PLXDC1: variants seen among roughly 807,000 people sequenced by gnomAD.
The protein encoded by PLXDC1 is plexin domain-containing protein 1.
A neutral mutation model predicts 61.3 loss-of-function variants in PLXDC1; 39 were observed. The observed-to-expected ratio is 0.64, with a 90% CI of 0.49 to 0.83. The LOEUF (loss-of-function observed/expected upper bound fraction) is 0.83. Among genes scored for constraint, PLXDC1 ranks in the 40% least tolerant of loss-of-function variants. The pLI is 0.00. For synonymous variants in PLXDC1, 212 were observed against 254.5 expected, an observed-to-expected ratio of 0.83 and a Z score of 1.59; for missense variants, 596 against 666.5, an observed-to-expected ratio of 0.89 and a Z score of 1.17.
At chr17:39,143,105 T>C (rs1351817212) in intron 1 of PLXDC1, among the ~76,000 whole-genome samples, 1 of 152,156 alleles carries the variant, frequency 6.6e-6, no homozygotes, top group Non-Finnish European at 1.5e-5. Context: ...GCCACTGTAC[T>C]CCAGCCTGGA....
At chr17:39,119,448 T>G (rs1028326272) in intron 2 of PLXDC1, among the ~76,000 whole-genome samples, 2 of 152,158 alleles carry the variant, frequency 1.3e-5, no homozygotes, top group Non-Finnish European at 2.9e-5. Context: ...ATTTGTCAAT[T>G]AAAAAATTAA....
intron 2 of PLXDC1, among the ~76,000 whole-genome samples, chr17:39,119,390 A>C (rs1911088055): frequency 1.3e-5 from 2 of 152,194 alleles, no homozygotes; most frequent in Admixed American, 1.3e-4. Context: ...ATCACTATAC[A>C]TTATATGTAT....
chr17:39,133,269 G>A (rs1945597983), intron 2 of PLXDC1, among the ~76,000 whole-genome samples: 1 of 152,146 alleles, frequency 6.6e-6, no homozygotes, highest in Admixed American at 6.5e-5. Flanking sequence ...CCAGAACAAG[G>A]CCTAACAGGA....
At chr17:39,125,308 G>A (rs1056348723) in intron 2 of PLXDC1, among the ~76,000 whole-genome samples, 6 of 152,218 alleles carry the variant, frequency 3.9e-5, no homozygotes, top group African/African-American at 1.4e-4. Context: ...GCTCTGCCTC[G>A]CTGAGGGTCT....
chr17:39,111,205 G>T (rs1261087364), intron 2 of PLXDC1, among the ~76,000 whole-genome samples: 1 of 152,092 alleles, frequency 6.6e-6, no homozygotes, highest in Non-Finnish European at 1.5e-5. Context: ...CACTGCCCAC[G>T]CTGGTCCTCC....
chr17:39,146,070 CTTTT>C (rs71141767), intron 1 of PLXDC1, among the ~76,000 whole-genome samples: 2 of 131,188 alleles, frequency 1.5e-5, no homozygotes, highest in Non-Finnish European at 1.6e-5. Flanking sequence ...CGGCCCATTC[CTTTT>C]TTTTTTTTTT....
chr17:39,104,350 C>T (rs182274274), intron 7 of PLXDC1, among the ~76,000 whole-genome samples: 141 of 152,238 alleles, frequency 9.3e-4, no homozygotes, highest in Admixed American at 2.2e-3. Context: ...CAGAGCTGAG[C>T]CCCTAACACT....
At chr17:39,098,134 G>T (rs188843691) in intron 7 of PLXDC1, among the ~76,000 whole-genome samples, 1 of 148,696 alleles carries the variant, frequency 6.7e-6, no homozygotes, top group Non-Finnish European at 1.5e-5. Context: ...GAACCCAGGA[G>T]GTGGAGGTTG....
rs144634538 is a variant in PLXDC1 at position 39,108,696 on chromosome 17, G to A, written c.469+208C>T. On this transcript the variant is annotated intron_variant, in intron 4 of 13. Coordinates refer to ENST00000315392, the MANE Select transcript of PLXDC1 (RefSeq NM_020405.5). Reference sequence around the variant, plus strand: ...CGTGCTGGCCCGAGGAGACACACACGTGCAGGCACATGAGCAGGTCAGCTA... The same window carrying A: ...CGTGCTGGCCCGAGGAGACACACACATGCAGGCACATGAGCAGGTCAGCTA... The A allele has an allele frequency of 7.2e-3, 4,279 of 591,610 alleles. 29 individuals are homozygous for A. Among genetic ancestry groups the A allele is most frequent in the Non-Finnish European group, 0.01 (3,412 of 328,744 alleles). The allele number at this position is 591,610 out of a possible 1,614,324, so 36.6% of individuals were successfully genotyped here.
At chr17:39,108,684 G>A in intron 4 of PLXDC1, 1 of 583,294 alleles carries the variant, frequency 1.7e-6, no homozygotes. Flanking sequence ...GCTGGCCCGA[G>A]GAGACACACA....
intron 5 of PLXDC1, 34 bp downstream of exon 5, chr17:39,108,089 G>T: frequency 6.2e-7 from 1 of 1,613,748 alleles, no homozygotes; most frequent in Non-Finnish European, 8.5e-7. Context: ...GATCCCTGGA[G>T]CTGGGTGACT....
At chr17:39,127,595 C>T (rs753775203) in intron 2 of PLXDC1, among the ~76,000 whole-genome samples, 1 of 151,952 alleles carries the variant, frequency 6.6e-6, no homozygotes, top group African/African-American at 2.4e-5. Context: ...GGGGAAGAAA[C>T]GGACAAATGA....
At chr17:39,082,563 C>A (rs1319061632) in intron 9 of PLXDC1, among the ~76,000 whole-genome samples, 10 of 143,774 alleles carry the variant, frequency 7.0e-5, no homozygotes, top group South Asian at 4.5e-4. Context: ...AAAACTCTCT[C>A]AAAAAAAAAA....
intron 9 of PLXDC1, chr17:39,081,451 TAAAAA>T: frequency 7.7e-6 from 1 of 129,736 alleles, no homozygotes; most frequent in Non-Finnish European, 1.6e-5. Context: ...TCATCTCTAC[TAAAAA>T]AAAAAAAAAA....
At chr17:39,086,512 G>A (rs1053241165) in intron 8 of PLXDC1, among the ~76,000 whole-genome samples, 4 of 152,164 alleles carry the variant, frequency 2.6e-5, no homozygotes, top group Admixed American at 6.5e-5. Flanking sequence ...TGCCACTGAA[G>A]ACCGGGCATG....
intron 9 of PLXDC1, chr17:39,079,884 AATTCTCAGCAGGTTAACT>A (rs1909488331): frequency 3.8e-6 from 1 of 266,018 alleles, no homozygotes; most frequent in Non-Finnish European, 7.4e-6. Context: ...GCCAAGAAGG[AATTCTCAGCAGGTTAACT>A]GCACCAGCAC....
chr17:39,130,850 CCG>C (rs1911536819), intron 2 of PLXDC1, among the ~76,000 whole-genome samples: 2 of 152,158 alleles, frequency 1.3e-5, no homozygotes, highest in African/African-American at 2.4e-5. Flanking sequence ...GCATGAGCCA[CCG>C]CACCCAGCCT....
chr17:39,083,470 A>G lies in PLXDC1; in HGVS notation c.978T>C (p.His326=). The G allele has an allele frequency of 6.2e-7, 1 of 1,613,778 alleles. No homozygotes were observed. Among genetic ancestry groups the G allele is most frequent in the Non-Finnish European group, 8.5e-7 (1 of 1,179,786 alleles). Residue 326 remains histidine (H), a synonymous_variant, in exon 9 of 14, where the codon CAT becomes CAC. Transcript: ENST00000315392. ...SDLTFNCSWC[H]VLQRCSSGFD... ...CCCTGGGCACAAACCTCTGGAGGAC[A>G]TGGCACCAGCTGCAGTTGAAGGTCA... is the stretch of plus-strand genomic sequence containing the variant.
intron 11 of PLXDC1, 192 bp from the exon 12 acceptor site, chr17:39,072,677 A>C: frequency 1.6e-6 from 1 of 615,784 alleles, no homozygotes; most frequent in South Asian, 1.8e-5. Flanking sequence ...GGAGTAAATG[A>C]GCGGGGACTG....
Sources: gnomAD v4.1 joint callset for allele counts (sites outside exome capture counted in the v4.1 genomes callset) on GRCh38, gnomAD v4.1.1 for gene constraint, MANE v1.5 for transcripts, NCBI Gene and HGNC (gene_info 2026-07-23, HGNC 2026-07-21) for gene names.